The following CACNA2D3 variants were observed in gnomAD, a reference collection of about 807,000 sequenced individuals.
CACNA2D3 encodes the protein voltage-dependent calcium channel subunit alpha-2/delta-3.
In CACNA2D3, 60 loss-of-function variants were observed where a neutral mutation model predicts 160.6. That is an observed-to-expected ratio of 0.37 (90% CI 0.30 to 0.46). CACNA2D3 has a LOEUF of 0.46. CACNA2D3 is among the 20% of genes least tolerant of loss of function. The pLI is 1.00. For missense variants in CACNA2D3, 1,205 were observed against 1,365.0 expected, an observed-to-expected ratio of 0.88 and a Z score of 1.85; for synonymous variants, 558 against 492.9, an observed-to-expected ratio of 1.13 and a Z score of -1.75.
intron 35 of CACNA2D3, among the ~76,000 whole-genome samples, chr3:55,049,036 A>T (rs1031527266): frequency 2.7e-5 from 4 of 149,804 alleles, no homozygotes; most frequent in Non-Finnish European, 4.5e-5. Flanking sequence ...AATTTTGTTG[A>T]TCCTTTCAAA....
At chr3:55,072,290 A>T (rs1704827463) in intron 35 of CACNA2D3, among the ~76,000 whole-genome samples, 1 of 152,216 alleles carries the variant, frequency 6.6e-6, no homozygotes, top group Non-Finnish European at 1.5e-5. Flanking sequence ...TATAGAAAAG[A>T]AAGAAACCAA....
intron 8 of CACNA2D3, among the ~76,000 whole-genome samples, chr3:54,581,167 G>A (rs1020353076): frequency 6.6e-6 from 1 of 152,128 alleles, no homozygotes; most frequent in African/African-American, 2.4e-5. Context: ...GAGAAATGAT[G>A]AGAATACTCA....
At chr3:54,576,147 C>T (rs938697948) in intron 8 of CACNA2D3, among the ~76,000 whole-genome samples, 3 of 152,166 alleles carry the variant, frequency 2.0e-5, no homozygotes, top group Non-Finnish European at 1.5e-5. Flanking sequence ...CTTTCCTCAT[C>T]CTCTTCTCTA....
chr3:54,492,854 G>A lies in CACNA2D3; in HGVS notation c.382-10638G>A, dbSNP rs1575487156. Among the ~76,000 whole-genome samples, 3 of 152,154 alleles carry A rather than the reference G, an allele frequency of 2.0e-5. 1 individual carries two copies. The highest frequency in any genetic ancestry group is 2.4e-5 in the African/African-American group (1 of 41,512). Reference sequence around the variant, plus strand: ...AGAATGACTTTCTGTTCTACAGCTCGTTCTCTGGACATGCTGCATCTGGGG... The same window carrying A: ...AGAATGACTTTCTGTTCTACAGCTCATTCTCTGGACATGCTGCATCTGGGG... On this transcript the variant is annotated intron_variant, in intron 4 of 37. Coordinates refer to ENST00000474759, the MANE Select transcript of CACNA2D3 (RefSeq NM_018398.3).
At chr3:54,684,523 C>T (rs1700414037) in intron 11 of CACNA2D3, among the ~76,000 whole-genome samples, 1 of 152,326 alleles carries the variant, frequency 6.6e-6, no homozygotes, top group Non-Finnish European at 1.5e-5. Flanking sequence ...TTGCCAGCTG[C>T]TGTGTCTTCT....
Position 54,763,799 on chromosome 3 carries a change from G to A in CACNA2D3, c.1247-419G>A, listed in dbSNP as rs1261328008. On this transcript the variant is annotated intron_variant, in intron 12 of 37. Transcript: ENST00000474759. ...TATGTACATATATATGTATATATAT[G>A]TACATATATATACATATATATATAC... Among the ~76,000 whole-genome samples the A allele has an allele frequency of 1.3e-3, 26 of 20,666 alleles. 6 individuals are homozygous for A. Among genetic ancestry groups the A allele is most frequent in the Non-Finnish European group, 2.1e-3 (20 of 9,586 alleles). 13.6% of individuals were successfully genotyped at this position (20,666 alleles called of 152,430 possible). A position where few individuals can be genotyped will look rare whatever the true frequency, so the allele number is the denominator to read the frequency against.
chr3:54,223,858 A>C (rs1332461421), intron 2 of CACNA2D3, among the ~76,000 whole-genome samples: 1 of 151,678 alleles, frequency 6.6e-6, no homozygotes, highest in Non-Finnish European at 1.5e-5. Context: ...TCTCAAAAAA[A>C]AAAAAAAAAA....
chr3:54,441,967 A>G, intron 4 of CACNA2D3, among the ~76,000 whole-genome samples: 1 of 152,174 alleles, frequency 6.6e-6, no homozygotes, highest in East Asian at 1.9e-4. Context: ...AAATATGCTT[A>G]AATAATTTAA....
rs1445824439 is a variant in CACNA2D3, at chr3:54,777,358, C to G, written c.1380+13007C>G. On this transcript the variant is annotated intron_variant, in intron 13 of 37. Transcript: ENST00000474759. ...AGTGAAATGGCCATTGAGGGCTCCT[C>G]CTAACCTTACTCTGCTGGTGACACA... 2.6e-5 allele frequency among the ~76,000 whole-genome samples: 4 copies of G among 152,136 alleles called. No individual in the cohort carries two copies. In the South Asian group the frequency reaches 8.3e-4, roughly 31 times the overall value.
chr3:54,246,626 A>C (rs1702085345), intron 2 of CACNA2D3, among the ~76,000 whole-genome samples: 1 of 150,392 alleles, frequency 6.6e-6, no homozygotes, highest in Non-Finnish European at 1.5e-5. Context: ...TGGGAGGCTG[A>C]GGCAGGATAA....
At chr3:54,394,318 A>ATTT (rs34291779) in intron 4 of CACNA2D3, among the ~76,000 whole-genome samples, 66 of 139,322 alleles carry the variant, frequency 4.7e-4, no homozygotes, top group African/African-American at 1.3e-3. Context: ...GAGAGTGAAC[A>ATTT]TTTTTTTTTT....
At chr3:54,520,071 A>G (rs890994524) in intron 5 of CACNA2D3, among the ~76,000 whole-genome samples, 1 of 152,266 alleles carries the variant, frequency 6.6e-6, no homozygotes, top group Non-Finnish European at 1.5e-5. Context: ...CAGTGGAGAC[A>G]AAGCTTGTTT....
intron 29 of CACNA2D3, among the ~76,000 whole-genome samples, chr3:54,981,170 G>T (rs1336038121): frequency 6.6e-6 from 1 of 152,198 alleles, no homozygotes; most frequent in Non-Finnish European, 1.5e-5. Flanking sequence ...AGACAATAGG[G>T]AAATGTCATC....
chr3:54,339,670 G>A (rs1233331189), intron 3 of CACNA2D3, among the ~76,000 whole-genome samples: 51 of 152,118 alleles, frequency 3.4e-4, no homozygotes, highest in Admixed American at 3.3e-3. Context: ...CCAGAGATCT[G>A]ATCAGAATAT....
At chr3:54,870,557 C>T (rs1699503026) in intron 17 of CACNA2D3, among the ~76,000 whole-genome samples, 1 of 152,162 alleles carries the variant, frequency 6.6e-6, no homozygotes, top group South Asian at 2.1e-4. Context: ...ACCCCACAAC[C>T]AGCATGAAAG....
At chr3:54,285,093 G>A (rs1214195085) in intron 2 of CACNA2D3, among the ~76,000 whole-genome samples, 1 of 152,152 alleles carries the variant, frequency 6.6e-6, no homozygotes, top group Non-Finnish European at 1.5e-5. Context: ...CAGGACAGTG[G>A]GTGCAGCGCA....
intron 4 of CACNA2D3, among the ~76,000 whole-genome samples, chr3:54,413,414 A>G (rs1559474757): frequency 6.8e-6 from 1 of 146,912 alleles, no homozygotes. Context: ...ATATCTATAT[A>G]TATAGATATC....
intron 13 of CACNA2D3, among the ~76,000 whole-genome samples, chr3:54,783,168 C>T (rs1042789676): frequency 2.0e-5 from 3 of 152,096 alleles, no homozygotes; most frequent in Non-Finnish European, 4.4e-5. Flanking sequence ...CGTGTGTGTC[C>T]TCTGAGGCCG....
intron 10 of CACNA2D3, chr3:54,638,831 G>T (rs956607358): frequency 4.6e-5 from 7 of 151,996 alleles, no homozygotes; most frequent in African/African-American, 1.7e-4. Flanking sequence ...TTGTATTGGG[G>T]TCAAGTGGCA....
Sources: gnomAD v4.1 joint callset for allele counts (sites outside exome capture counted in the v4.1 genomes callset) on GRCh38, gnomAD v4.1.1 for gene constraint, MANE v1.5 for transcripts, NCBI Gene and HGNC (gene_info 2026-07-23, HGNC 2026-07-21) for gene names.